Variants in NKAIN3 observed in about 807,000 individuals in gnomAD.
NKAIN3 encodes the protein sodium/potassium transporting ATPase interacting 3.
In NKAIN3, 25 loss-of-function variants were observed where a neutral mutation model predicts 30.2. The ratio of observed to expected loss-of-function variants is 0.83; its 90% CI spans 0.60 to 1.16. The LOEUF (loss-of-function observed/expected upper bound fraction) is 1.16. NKAIN3 is among the 50% of genes most tolerant of loss of function. NKAIN3 has a pLI of 0.00. For missense variants in NKAIN3, 225 were observed against 254.1 expected, an observed-to-expected ratio of 0.89 and a Z score of 0.78; for synonymous variants, 91 against 89.6, an observed-to-expected ratio of 1.02 and a Z score of -0.09.
At chr8:62,441,176 T>G (rs1386000914) in intron 1 of NKAIN3, among the ~76,000 whole-genome samples, 1 of 152,146 alleles carries the variant, frequency 6.6e-6, no homozygotes, top group Non-Finnish European at 1.5e-5. Context: ...TTTTTATTAT[T>G]TTTAAAGAAG....
Position 62,373,265 on chromosome 8 carries a change from T to C in NKAIN3, c.54+124138T>C, listed in dbSNP as rs149288118. ...TACAATAAAAAACATTTTATGTTGA[T>C]AGCTGTACCATCAAATGAATAAAAT... is the stretch of plus-strand genomic sequence containing the variant. On this transcript the variant is annotated intron_variant, in intron 1 of 6. Transcript: ENST00000623646. Among the ~76,000 whole-genome samples the C allele has an allele frequency of 2.0e-4, 31 of 152,330 alleles. No individual in the cohort carries two copies. The East Asian group carries it at 5.8e-3, about 28-fold the overall frequency.
intron 1 of NKAIN3, among the ~76,000 whole-genome samples, chr8:62,479,270 T>C (rs898881496): frequency 6.6e-6 from 1 of 152,180 alleles, no homozygotes; most frequent in East Asian, 1.9e-4. Flanking sequence ...TAAGCACCTC[T>C]TATATCCTAG....
intron 5 of NKAIN3, among the ~76,000 whole-genome samples, chr8:62,919,189 C>T (rs957077870): frequency 4.3e-5 from 6 of 139,134 alleles, no homozygotes; most frequent in African/African-American, 1.6e-4. Context: ...CTTGGCACAA[C>T]TCTGTTAGGG....
At chr8:62,545,390 A>C (rs1185985757) in intron 1 of NKAIN3, among the ~76,000 whole-genome samples, 1 of 152,142 alleles carries the variant, frequency 6.6e-6, no homozygotes, top group South Asian at 2.1e-4. Flanking sequence ...GTTCAAGACC[A>C]GCCCAGTCAG....
intron 4 of NKAIN3, among the ~76,000 whole-genome samples, chr8:62,911,836 C>T (rs1471530305): frequency 6.6e-6 from 1 of 151,968 alleles, no homozygotes; most frequent in Non-Finnish European, 1.5e-5. Context: ...CAGGATAATC[C>T]GTGGAAGCAT....
intron 1 of NKAIN3, among the ~76,000 whole-genome samples, chr8:62,443,515 C>A (rs1429467015): frequency 1.3e-5 from 2 of 152,066 alleles, no homozygotes; most frequent in Non-Finnish European, 2.9e-5. Flanking sequence ...TCCCGAGTAG[C>A]TGGGACTAGA....
chr8:62,935,341 G>A (rs1822752091), intron 5 of NKAIN3, among the ~76,000 whole-genome samples: 1 of 152,080 alleles, frequency 6.6e-6, no homozygotes, highest in South Asian at 2.1e-4. Context: ...TAAGATAAAT[G>A]TTTAAATAAG....
chr8:62,996,107 T>A (rs1268715515), intron 5 of NKAIN3, among the ~76,000 whole-genome samples: 2 of 152,250 alleles, frequency 1.3e-5, no homozygotes, highest in Non-Finnish European at 2.9e-5. Flanking sequence ...GCTGTCTGTA[T>A]TGGTCTTTTT....
intron 3 of NKAIN3, among the ~76,000 whole-genome samples, chr8:62,702,589 G>C (rs1333756948): frequency 6.6e-6 from 1 of 152,056 alleles, no homozygotes; most frequent in Non-Finnish European, 1.5e-5. Context: ...AGTAAACATC[G>C]TTTATGTGGT....
intron 1 of NKAIN3, among the ~76,000 whole-genome samples, chr8:62,578,759 AAAT>A (rs1295175449): frequency 6.6e-6 from 1 of 152,026 alleles, no homozygotes; most frequent in Admixed American, 6.6e-5. Context: ...GTTTTATTAA[AAAT>A]AATGATATGA....
chr8:62,917,410 C>T lies in NKAIN3; in HGVS notation c.472-1043C>T, dbSNP rs566877159. Among the ~76,000 whole-genome samples, 6 of 152,340 alleles carry T rather than the reference C, an allele frequency of 3.9e-5. No homozygotes were observed. The East Asian group carries it at 1.2e-3, about 29-fold the overall frequency. On this transcript the variant is annotated intron_variant, in intron 4 of 6. Coordinates refer to ENST00000623646, the MANE Select transcript of NKAIN3 (RefSeq NM_001304533.3). ...CTGGCAGATTTCTCTGTAAGTCCTT[C>T]TCCTAAGACCTCACCCTAAACTTTT...
intron 1 of NKAIN3, among the ~76,000 whole-genome samples, chr8:62,428,520 G>C (rs1040728376): frequency 2.0e-5 from 3 of 151,734 alleles, no homozygotes; most frequent in African/African-American, 7.3e-5. Context: ...TCATCTTTTT[G>C]ACTTTTTGAT....
intron 3 of NKAIN3, among the ~76,000 whole-genome samples, chr8:62,619,211 A>G (rs1811550400): frequency 6.6e-6 from 1 of 152,184 alleles, no homozygotes; most frequent in African/African-American, 2.4e-5. Flanking sequence ...GAACTTGACA[A>G]TCCCATACTG....
intron 4 of NKAIN3, among the ~76,000 whole-genome samples, chr8:62,824,372 G>A (rs1818952216): frequency 6.6e-6 from 1 of 152,034 alleles, no homozygotes; most frequent in African/African-American, 2.4e-5. Context: ...ATCCATTAAT[G>A]TAACAGATAT....
At chr8:62,523,955 C>T (rs1417316830) in intron 1 of NKAIN3, among the ~76,000 whole-genome samples, 1 of 152,034 alleles carries the variant, frequency 6.6e-6, no homozygotes, top group Non-Finnish European at 1.5e-5. Flanking sequence ...CTTATCCAGC[C>T]TTATTATTTT....
intron 4 of NKAIN3, among the ~76,000 whole-genome samples, chr8:62,832,296 CA>C: frequency 6.7e-6 from 1 of 148,914 alleles, no homozygotes; most frequent in South Asian, 2.1e-4. Context: ...CACACACACA[CA>C]CACACACTCT....
At chr8:62,911,453 A>C (rs1468008445) in intron 4 of NKAIN3, among the ~76,000 whole-genome samples, 2 of 152,178 alleles carry the variant, frequency 1.3e-5, no homozygotes, top group African/African-American at 2.4e-5. Flanking sequence ...TGCATCATCT[A>C]AATTTCTGTC....
At chr8:62,774,471 C>T (rs1817123154) in intron 4 of NKAIN3, among the ~76,000 whole-genome samples, 1 of 152,128 alleles carries the variant, frequency 6.6e-6, no homozygotes, top group Non-Finnish European at 1.5e-5. Flanking sequence ...AGTGAGCATC[C>T]TTGTCATGTT....
intron 4 of NKAIN3, among the ~76,000 whole-genome samples, chr8:62,889,609 G>A (rs966021483): frequency 4.6e-5 from 7 of 152,234 alleles, no homozygotes; most frequent in African/African-American, 1.7e-4. Flanking sequence ...TGATTAAAAA[G>A]TACCTAAGGA....
Sources: allele counts gnomAD v4.1 joint callset (sites outside exome capture counted in the v4.1 genomes callset), GRCh38; gene constraint gnomAD v4.1.1; transcripts MANE v1.5; gene names NCBI Gene and HGNC (gene_info 2026-07-23, HGNC 2026-07-21).